Variants in SAMMSON observed in about 807,000 individuals in gnomAD.
The protein encoded by SAMMSON is long intergenic non-protein coding RNA 1212.
intron 2 of SAMMSON, among the ~76,000 whole-genome samples, chr3:70,398,352 A>G (rs1701109719): frequency 6.6e-6 from 1 of 152,206 alleles, no homozygotes. Flanking sequence ...TGGATTCAAA[A>G]TAATTTTGTG....
chr3:70,224,824 T>TC (rs371363720), intron 4 of SAMMSON, among the ~76,000 whole-genome samples: 213 of 151,340 alleles, frequency 1.4e-3, no homozygotes, highest in Middle Eastern at 6.8e-3. Flanking sequence ...TTTTGCAGTT[T>TC]CCCCCCCCAC....
intron 2 of SAMMSON, among the ~76,000 whole-genome samples, chr3:70,415,535 G>C (rs570697129): frequency 8.5e-5 from 13 of 152,234 alleles, no homozygotes; most frequent in African/African-American, 3.1e-4. Context: ...ACTGGATCTG[G>C]TTTTTAATCA....
intron 4 of SAMMSON, among the ~76,000 whole-genome samples, chr3:70,245,755 T>G (rs544915332): frequency 9.2e-5 from 13 of 141,294 alleles, no homozygotes; most frequent in Non-Finnish European, 1.4e-4. Context: ...AGTTATGTAA[T>G]TGCTATTCTT....
chr3:70,287,708 A>G (rs2106688866), intron 6 of SAMMSON, among the ~76,000 whole-genome samples: 1 of 151,954 alleles, frequency 6.6e-6, no homozygotes, highest in African/African-American at 2.4e-5. Flanking sequence ...TTGGTTGGTA[A>G]GCTATTGATT....
intron 2 of SAMMSON, among the ~76,000 whole-genome samples, chr3:70,406,287 G>GA (rs1401424710): frequency 6.6e-6 from 1 of 152,036 alleles, no homozygotes; most frequent in Non-Finnish European, 1.5e-5. Context: ...TTTAAGTGCT[G>GA]AAAGAAAAAT....
chr3:70,218,791 A>G (rs1424592465), intron 4 of SAMMSON, among the ~76,000 whole-genome samples: 2 of 152,090 alleles, frequency 1.3e-5, no homozygotes, highest in Admixed American at 6.6e-5. Flanking sequence ...GGTAACCCAT[A>G]CTCAAGTGCA....
At chr3:70,136,133 A>C (rs923623580) in intron 4 of SAMMSON, among the ~76,000 whole-genome samples, 1 of 152,166 alleles carries the variant, frequency 6.6e-6, no homozygotes, top group Non-Finnish European at 1.5e-5. Context: ...ATTTTGGTGA[A>C]TATGTCTGGG....
At chr3:70,083,083 A>G (rs2067272498) in intron 4 of SAMMSON, among the ~76,000 whole-genome samples, 1 of 152,124 alleles carries the variant, frequency 6.6e-6, no homozygotes, top group African/African-American at 2.4e-5. Flanking sequence ...CTATTGGTGA[A>G]CCTCAGACCC....
At chr3:70,283,493 T>C (rs1702109707) in intron 6 of SAMMSON, 1 of 152,120 alleles carries the variant, frequency 6.6e-6, no homozygotes, top group Admixed American at 6.6e-5. Flanking sequence ...AGCATCAAAT[T>C]ACTTTGAGGT....
At chr3:70,074,340 C>A (rs1346573426) in intron 4 of SAMMSON, among the ~76,000 whole-genome samples, 1 of 151,944 alleles carries the variant, frequency 6.6e-6, no homozygotes, top group East Asian at 1.9e-4. Flanking sequence ...TTCAATGAGC[C>A]CCTTTAGGAG....
At chr3:70,186,263 AT>A (rs11318266) in intron 4 of SAMMSON, among the ~76,000 whole-genome samples, 63,300 of 144,268 alleles carry the variant, frequency 0.44, 14,435 homozygotes, top group East Asian at 0.87. Flanking sequence ...CAATAATGGG[AT>A]TTTTTTTTTT....
chr3:70,056,396 GACTT>G (rs1356563309), intron 3 of SAMMSON, among the ~76,000 whole-genome samples: 1 of 152,026 alleles, frequency 6.6e-6, no homozygotes, highest in Non-Finnish European at 1.5e-5. Flanking sequence ...CAGAAGGAAA[GACTT>G]ACGAGCTTCT....
intron 4 of SAMMSON, among the ~76,000 whole-genome samples, chr3:70,116,964 G>A (rs2067414122): frequency 6.6e-6 from 1 of 152,104 alleles, no homozygotes; most frequent in Non-Finnish European, 1.5e-5. Context: ...GTTTGACCAG[G>A]TCTGCCTCAT....
chr3:70,274,127 G>A (rs892662092), intron 6 of SAMMSON, among the ~76,000 whole-genome samples: 1 of 150,638 alleles, frequency 6.6e-6, no homozygotes, highest in Non-Finnish European at 1.5e-5. Context: ...CTGGGCTAAA[G>A]AAATACCTTT....
intron 1 of SAMMSON, among the ~76,000 whole-genome samples, chr3:70,009,759 T>G (rs977772789): frequency 6.6e-6 from 1 of 150,722 alleles, no homozygotes; most frequent in Non-Finnish European, 1.5e-5. Context: ...CTTTCCTGCT[T>G]TCTTTTGTGG....
intron 7 of SAMMSON, among the ~76,000 whole-genome samples, chr3:70,346,319 T>A (rs1265498021): frequency 6.6e-6 from 1 of 151,852 alleles, no homozygotes; most frequent in African/African-American, 2.4e-5. Flanking sequence ...TTGTTTTTTT[T>A]TTTTTTCACT....
chr3:70,322,513 C>T (rs866334845), intron 7 of SAMMSON, among the ~76,000 whole-genome samples: 7 of 151,990 alleles, frequency 4.6e-5, no homozygotes, highest in East Asian at 1.9e-4. Context: ...CCAACATCCG[C>T]GAAAAGTACA....
At chr3:70,081,914 G>T (rs906621893) in intron 4 of SAMMSON, among the ~76,000 whole-genome samples, 1 of 152,222 alleles carries the variant, frequency 6.6e-6, no homozygotes, top group African/African-American at 2.4e-5. Flanking sequence ...TGAGGAGAAA[G>T]ATGAGTTTAG....
intron 4 of SAMMSON, among the ~76,000 whole-genome samples, chr3:70,116,016 CAG>C (rs35887630): frequency 0.23 from 35,344 of 151,808 alleles, 4,565 homozygotes; most frequent in East Asian, 0.51. Flanking sequence ...GAATATGTAC[CAG>C]AATTCTACAT....
Sources: gnomAD v4.1 joint callset for allele counts (sites outside exome capture counted in the v4.1 genomes callset) on GRCh38, gnomAD v4.1.1 for gene constraint, MANE v1.5 for transcripts, NCBI Gene and HGNC (gene_info 2026-07-23, HGNC 2026-07-21) for gene names.